PARD3B: variants seen among roughly 807,000 people sequenced by gnomAD.
PARD3B encodes the protein partitioning defective 3 homolog B.
Under a neutral mutation model 130.2 loss-of-function variants are expected in PARD3B, and 103 were observed. The observed-to-expected ratio is 0.79, with a 90% confidence interval of 0.67 to 0.93. The LOEUF (loss-of-function observed/expected upper bound fraction) is 0.93, where lower values mean the gene tolerates loss of function less well. Among genes scored for constraint, PARD3B ranks in the 40% least tolerant of loss-of-function variants. The pLI is 0.00. For missense variants in PARD3B, 1,609 were observed against 1,499.2 expected (o/e 1.07, Z -1.21); for synonymous variants, 583 against 553.2 (o/e 1.05, Z -0.76).
intron 2 of PARD3B, among the ~76,000 whole-genome samples, chr2:204,882,016 G>C (rs1303243838): frequency 6.6e-6 from 1 of 152,180 alleles, no homozygotes; most frequent in Non-Finnish European, 1.5e-5. Context: ...CCTGGCGTCA[G>C]GCAGCACAGT....
Position 204,675,418 on chromosome 2 carries a change from A to C in PARD3B, c.121-10763A>C, listed in dbSNP as rs2036490753. Among the ~76,000 whole-genome samples the C allele has an allele frequency of 6.6e-6, 1 of 152,160 alleles. No individual in the cohort carries two copies. Among genetic ancestry groups the C allele is most frequent in the African/African-American group, 2.4e-5 (1 of 41,448 alleles). On this transcript the variant is annotated intron_variant, in intron 1 of 22. Coordinates refer to ENST00000406610, the MANE Select transcript of PARD3B (RefSeq NM_001302769.2). This position sits in a 1 kb window ranked among gnomAD's most constrained non-coding sequence, Gnocchi z 4.4. ...ATACTGTATATAAACCTGAAGAGTT[A>C]CATAAGGCCTATACTTTCATGCATT...
chr2:204,695,051 A>G (rs185386069), intron 2 of PARD3B, among the ~76,000 whole-genome samples: 66 of 152,162 alleles, frequency 4.3e-4, no homozygotes, highest in Non-Finnish European at 6.9e-4. Flanking sequence ...GAAAAACCCA[A>G]TAAAATTTGA....
At chr2:205,552,468 G>A (rs554579655) in intron 21 of PARD3B, among the ~76,000 whole-genome samples, 7 of 152,236 alleles carry the variant, frequency 4.6e-5, no homozygotes, top group African/African-American at 1.7e-4. Flanking sequence ...GAGTGCAGTG[G>A]CGTGATGTGG....
chr2:204,817,142 T>C (rs934190482), intron 2 of PARD3B, among the ~76,000 whole-genome samples: 5 of 152,234 alleles, frequency 3.3e-5, no homozygotes, highest in Admixed American at 3.3e-4. Context: ...AATAACTGTT[T>C]TAATGTCCTT....
chr2:204,877,827 A>G (rs2045900306), intron 2 of PARD3B, among the ~76,000 whole-genome samples: 2 of 152,204 alleles, frequency 1.3e-5, no homozygotes, highest in Admixed American at 1.3e-4. Context: ...TCAGTTTGGC[A>G]ATACCAGTTA....
chr2:204,641,247 A>G (rs990678209), intron 1 of PARD3B, among the ~76,000 whole-genome samples: 4 of 150,278 alleles, frequency 2.7e-5, no homozygotes, highest in Non-Finnish European at 5.9e-5. Context: ...ATATATATTA[A>G]ACATAAATAC....
intron 2 of PARD3B, among the ~76,000 whole-genome samples, chr2:204,760,698 T>C (rs2040863255): frequency 6.6e-6 from 1 of 152,136 alleles, no homozygotes; most frequent in African/African-American, 2.4e-5. Context: ...AAGCTCTATG[T>C]TCTTTAGAGT....
chr2:205,054,434 ATATTTTTT>A (rs1444897328), intron 4 of PARD3B, among the ~76,000 whole-genome samples: 19 of 29,478 alleles, frequency 6.4e-4, no homozygotes, highest in African/African-American at 1.1e-3. Context: ...ATATATATAT[ATATTTTTT>A]TTTTTTTTTT....
chr2:204,922,389 T>A (rs1575314955), intron 2 of PARD3B, among the ~76,000 whole-genome samples: 1 of 152,136 alleles, frequency 6.6e-6, no homozygotes, highest in Non-Finnish European at 1.5e-5. Flanking sequence ...TGGTAGAAGG[T>A]AGTCAACACT....
intron 10 of PARD3B, among the ~76,000 whole-genome samples, chr2:205,149,823 A>C (rs2033621045): frequency 6.6e-6 from 1 of 152,188 alleles, no homozygotes; most frequent in Non-Finnish European, 1.5e-5. Context: ...TTTTGACCCC[A>C]GGTAACATTT....
chr2:205,450,386 C>T (rs2106192707), intron 20 of PARD3B, among the ~76,000 whole-genome samples: 1 of 148,876 alleles, frequency 6.7e-6, no homozygotes, highest in African/African-American at 2.5e-5. Context: ...GTATTGCAAT[C>T]ATCAGAAAGA....
intron 4 of PARD3B, among the ~76,000 whole-genome samples, chr2:205,104,164 C>A (rs1302687367): frequency 6.6e-6 from 1 of 152,146 alleles, no homozygotes. Flanking sequence ...GGCTGAGTAG[C>A]AAGAAGCTAA....
intron 1 of PARD3B, among the ~76,000 whole-genome samples, chr2:204,656,962 G>A (rs114660604): frequency 0.017 from 2,517 of 152,274 alleles, 36 homozygotes; most frequent in Middle Eastern, 0.071. Context: ...GCCATTAAGA[G>A]TAAGATCATG....
At chr2:204,561,859 A>G (rs566219255) in intron 1 of PARD3B, among the ~76,000 whole-genome samples, 1 of 152,094 alleles carries the variant, frequency 6.6e-6, no homozygotes, top group South Asian at 2.1e-4. Context: ...GGGCTCCCAA[A>G]GTGCTGAGAT....
intron 20 of PARD3B, among the ~76,000 whole-genome samples, chr2:205,469,216 T>A (rs180751591): frequency 2.2e-4 from 34 of 152,252 alleles, no homozygotes; most frequent in African/African-American, 8.2e-4. Flanking sequence ...AATGAATGAA[T>A]CCAAGGGACT....
chr2:205,597,133 A>C (rs2054600221), intron 22 of PARD3B, among the ~76,000 whole-genome samples: 1 of 152,042 alleles, frequency 6.6e-6, no homozygotes, highest in African/African-American at 2.4e-5. Flanking sequence ...ATTACAAATG[A>C]ATGTGTCTTC....
chr2:204,878,307 C>A (rs543158569), intron 2 of PARD3B, among the ~76,000 whole-genome samples: 11 of 151,942 alleles, frequency 7.2e-5, no homozygotes, highest in African/African-American at 2.7e-4. Flanking sequence ...GCAGTAAAAC[C>A]GGGTGTATAA....
intron 3 of PARD3B, among the ~76,000 whole-genome samples, chr2:205,042,490 A>AT (rs1282542584): frequency 6.6e-6 from 1 of 151,982 alleles, no homozygotes; most frequent in African/African-American, 2.4e-5. Context: ...GCTTATCCTG[A>AT]TATGGCAAGA....
At chr2:205,522,848 G>A (rs1170976420) in intron 21 of PARD3B, among the ~76,000 whole-genome samples, 2 of 151,950 alleles carry the variant, frequency 1.3e-5, no homozygotes, top group Admixed American at 6.6e-5. Flanking sequence ...AAATATTTAG[G>A]TATGAGAAAT....
Sources: gnomAD v4.1 joint callset for allele counts (sites outside exome capture counted in the v4.1 genomes callset) on GRCh38, gnomAD v4.1.1 for gene constraint, Gnocchi (gnomAD v3.1) non-coding constraint, MANE v1.5 for transcripts, NCBI Gene and HGNC (gene_info 2026-07-23, HGNC 2026-07-21) for gene names.